The following KLF12 variants were observed in gnomAD, a reference collection of about 807,000 sequenced individuals.
KLF12 encodes the protein Krueppel-like factor 12.
In KLF12, 9 loss-of-function variants were observed where a neutral mutation model predicts 37.8. The observed-to-expected ratio is 0.24, with a 90% CI of 0.14 to 0.42. KLF12 has a LOEUF of 0.42. Among genes scored for constraint, KLF12 ranks in the 10% least tolerant of loss-of-function variants. KLF12 has a pLI of 1.00. For synonymous variants in KLF12, 208 were observed against 202.1 expected (o/e 1.03, Z -0.25); for missense variants, 411 against 516.0 (o/e 0.80, Z 1.97).
the KLF12 span, among the ~76,000 whole-genome samples, chr13:74,235,951 T>TA: frequency 6.6e-6 from 1 of 151,680 alleles, no homozygotes; most frequent in Non-Finnish European, 1.5e-5. Context: ...TATTTTTATT[T>TA]TTTTTTATTA....
intron 1 of KLF12, among the ~76,000 whole-genome samples, chr13:74,116,711 A>G (rs1877322823): frequency 6.6e-6 from 1 of 152,348 alleles, no homozygotes; most frequent in Admixed American, 6.5e-5. Flanking sequence ...CAAAACTTCT[A>G]TAAACTATAA....
intron 1 of KLF12, among the ~76,000 whole-genome samples, chr13:74,080,840 G>T (rs1196817947): frequency 3.9e-5 from 6 of 152,192 alleles, no homozygotes; most frequent in Admixed American, 6.5e-5. Flanking sequence ...AAAAGGTAGG[G>T]TGTGGATTTT....
intron 5 of KLF12, among the ~76,000 whole-genome samples, chr13:73,768,693 T>C (rs897788924): frequency 1.3e-5 from 2 of 152,210 alleles, no homozygotes; most frequent in African/African-American, 4.8e-5. Context: ...TACTATTTGC[T>C]TGGTATCATG....
At chr13:73,766,207 G>A (rs1879905275) in intron 5 of KLF12, among the ~76,000 whole-genome samples, 1 of 152,142 alleles carries the variant, frequency 6.6e-6, no homozygotes, top group African/African-American at 2.4e-5. Flanking sequence ...CAGAAAGATG[G>A]AGAGAGGCCA....
intron 3 of KLF12, among the ~76,000 whole-genome samples, chr13:73,941,188 C>T (rs1890169798): frequency 1.3e-5 from 2 of 152,224 alleles, no homozygotes; most frequent in Admixed American, 1.3e-4. Flanking sequence ...CAAGCTTTCT[C>T]ATTCATTGTT....
the KLF12 span, among the ~76,000 whole-genome samples, chr13:74,153,256 T>C: frequency 6.6e-6 from 1 of 152,176 alleles, no homozygotes; most frequent in African/African-American, 2.4e-5. Context: ...TGAAGTCAAT[T>C]TAAGGTTTCA....
chr13:73,810,992 T>TTTTTTTTC lies in KLF12; in HGVS notation c.806+2159_806+2160insGAAAAAAA, dbSNP rs1882908457. On this transcript the variant is annotated intron_variant, in intron 5 of 7. Transcript: ENST00000377669. Reference sequence around the variant, plus strand: ...TTTTAATTTTTCTTTCTTTTTTTTTTTTTTTTTTTTTTTTTAGGAGTCTCA... The same window carrying TTTTTTTTC: ...TTTTAATTTTTCTTTCTTTTTTTTTTTTTTTTTCTTTTTTTTTTTTTTTAGGAGTCTCA... Among the ~76,000 whole-genome samples, 6 of 131,392 alleles carry TTTTTTTTC rather than the reference T, an allele frequency of 4.6e-5. 2 individuals carry two copies. Among genetic ancestry groups the TTTTTTTTC allele is most frequent in the African/African-American group, 1.7e-4 (6 of 34,870 alleles). The allele number at this position is 131,392 out of a possible 152,430, so 86.2% of individuals were successfully genotyped here.
chr13:73,903,490 G>A (rs1447764489), intron 3 of KLF12, among the ~76,000 whole-genome samples: 1 of 152,146 alleles, frequency 6.6e-6, no homozygotes, highest in Non-Finnish European at 1.5e-5. Flanking sequence ...AAATTTAGTA[G>A]GATTTGTACC....
At chr13:73,891,138 A>C (rs1887485351) in intron 3 of KLF12, among the ~76,000 whole-genome samples, 1 of 152,184 alleles carries the variant, frequency 6.6e-6, no homozygotes, top group Non-Finnish European at 1.5e-5. Flanking sequence ...AGCAGAAAGC[A>C]GAAAATATTG....
At chr13:74,064,167 A>C (rs1873770409) in intron 1 of KLF12, among the ~76,000 whole-genome samples, 1 of 152,164 alleles carries the variant, frequency 6.6e-6, no homozygotes, top group African/African-American at 2.4e-5. Flanking sequence ...TCTAAATACC[A>C]CTGCCATCTT....
chr13:74,256,888 T>C, the KLF12 span: 1 of 152,366 alleles, frequency 6.6e-6, no homozygotes, highest in East Asian at 1.9e-4. Flanking sequence ...CATATTTTCA[T>C]ATATTAATTG....
At chr13:73,954,668 G>A (rs767498433) in intron 2 of KLF12, among the ~76,000 whole-genome samples, 1 of 152,122 alleles carries the variant, frequency 6.6e-6, no homozygotes, top group Non-Finnish European at 1.5e-5. Context: ...CCAACACTCT[G>A]GATGCTCACA....
At chr13:73,826,039 C>G (rs1883820153) in intron 4 of KLF12, among the ~76,000 whole-genome samples, 1 of 151,856 alleles carries the variant, frequency 6.6e-6, no homozygotes, top group Admixed American at 6.6e-5. Context: ...TTGGGACGAT[C>G]TCGGCTCACT....
the KLF12 span, among the ~76,000 whole-genome samples, chr13:74,224,031 C>G: frequency 6.6e-6 from 1 of 152,138 alleles, no homozygotes; most frequent in Non-Finnish European, 1.5e-5. Flanking sequence ...ATCTGCTTCT[C>G]CTATTGTGTA....
the KLF12 span, among the ~76,000 whole-genome samples, chr13:74,282,653 G>A: frequency 1.3e-5 from 2 of 152,236 alleles, no homozygotes; most frequent in East Asian, 3.9e-4. Context: ...GTGCAGAAAA[G>A]GAAGTATGGA....
chr13:73,933,523 C>G (rs1593749107), intron 3 of KLF12, among the ~76,000 whole-genome samples: 1 of 152,134 alleles, frequency 6.6e-6, no homozygotes, highest in African/African-American at 2.4e-5. Context: ...TGTACACAGG[C>G]AATCAACAGG....
Position 73,944,086 on chromosome 13 carries a change from A to T in KLF12, c.34-16T>A. 1 of 1,503,552 alleles carries T rather than the reference A, an allele frequency of 6.7e-7. No individual in the cohort carries two copies. The highest frequency in any genetic ancestry group is 9.2e-7 in the Non-Finnish European group (1 of 1,082,986). 93.1% of individuals were successfully genotyped at this position (1,503,552 alleles called of 1,614,324 possible). Reference sequence around the variant, plus strand: ...TGTTGATATTCTGAGAATAGAAGGGAGAGAGAAAGATTCAGCTCTAAAGCA... The same window carrying T: ...TGTTGATATTCTGAGAATAGAAGGGTGAGAGAAAGATTCAGCTCTAAAGCA... On this transcript the variant is annotated splice_polypyrimidine_tract_variant and intron_variant, in intron 2 of 7. Coordinates refer to ENST00000377669, the MANE Select transcript of KLF12 (RefSeq NM_007249.5).
At chr13:74,303,779 G>A in the KLF12 span, among the ~76,000 whole-genome samples, 2 of 152,016 alleles carry the variant, frequency 1.3e-5, no homozygotes, top group South Asian at 2.1e-4. Context: ...CAGAAATGCT[G>A]GAATTGGAGC....
the KLF12 span, among the ~76,000 whole-genome samples, chr13:74,286,823 G>T: frequency 2.6e-5 from 4 of 152,142 alleles, no homozygotes; most frequent in African/African-American, 9.7e-5. Context: ...TTCTCATCGT[G>T]AATGGATTCA....
Sources: allele counts gnomAD v4.1 joint callset (sites outside exome capture counted in the v4.1 genomes callset), GRCh38; gene constraint gnomAD v4.1.1; transcripts MANE v1.5; gene names NCBI Gene and HGNC (gene_info 2026-07-23, HGNC 2026-07-21).